TRPM6: variants seen among roughly 807,000 people sequenced by gnomAD.
TRPM6 encodes the protein channel kinase 2.
A neutral mutation model predicts 247.6 loss-of-function variants in TRPM6; 111 were observed. That is an observed-to-expected ratio of 0.45 (90% CI 0.38 to 0.52). The LOEUF is 0.52. Among genes scored for constraint, TRPM6 ranks in the 20% least tolerant of loss-of-function variants. The pLI, the probability that TRPM6 is intolerant of heterozygous loss-of-function variation, is 0.00. For synonymous variants in TRPM6, 892 were observed against 853.8 expected (o/e 1.04, Z -0.78); for missense variants, 2,126 against 2,421.5 (o/e 0.88, Z 2.56).
intron 35 of TRPM6, 49 bp from the exon 36 acceptor site, chr9:74,738,661 G>T (rs771862558): frequency 6.5e-7 from 1 of 1,537,186 alleles, no homozygotes; most frequent in South Asian, 1.1e-5. Flanking sequence ...AGCAAAAGTG[G>T]GACTTACCTT....
chr9:74,859,816 A>G (rs1288312732), intron 1 of TRPM6, among the ~76,000 whole-genome samples: 2 of 152,006 alleles, frequency 1.3e-5, no homozygotes, highest in Non-Finnish European at 1.5e-5. Flanking sequence ...TACTTTATAC[A>G]CACATAGATA....
chr9:74,870,492 T>C (rs1324290563), intron 1 of TRPM6, among the ~76,000 whole-genome samples: 2 of 152,234 alleles, frequency 1.3e-5, no homozygotes, highest in African/African-American at 4.8e-5. Context: ...CACTGTTTTC[T>C]TCTGTAGCCT....
chr9:74,830,391 T>C (rs148956843), intron 6 of TRPM6, among the ~76,000 whole-genome samples: 1 of 152,152 alleles, frequency 6.6e-6, no homozygotes, highest in East Asian at 1.9e-4. Context: ...TTTGTTTGTT[T>C]GTTTGTTTTG....
At chr9:74,803,914 C>T in intron 14 of TRPM6, 28 bp from the exon 15 acceptor site, 4 of 1,275,934 alleles carry the variant, frequency 3.1e-6, no homozygotes, top group Non-Finnish European at 4.6e-6. Flanking sequence ...CAAAGCTGGT[C>T]ACTCTCTGGC....
intron 33 of TRPM6, among the ~76,000 whole-genome samples, 189 bp downstream of exon 33, chr9:74,742,372 C>T (rs561295639): frequency 1.3e-5 from 2 of 152,324 alleles, no homozygotes; most frequent in African/African-American, 2.4e-5. Flanking sequence ...ATAGTATTAG[C>T]TTTTGTCCCT....
chr9:74,738,690 G>T, intron 35 of TRPM6, 78 bp from the exon 36 acceptor site: 1 of 1,267,170 alleles, frequency 7.9e-7, no homozygotes, highest in Non-Finnish European at 1.1e-6. Flanking sequence ...GTCATCAGCA[G>T]GGAAGATTAC....
chr9:74,803,619 T>A (rs1828421731), intron 15 of TRPM6, among the ~76,000 whole-genome samples, 175 bp downstream of exon 15: 1 of 152,212 alleles, frequency 6.6e-6, no homozygotes, highest in Admixed American at 6.5e-5. Context: ...TCACTGTGCC[T>A]TTGCTCACTG....
In TRPM6 at chr9:74,782,452, G is replaced by A. The variant is rs778347438; in HGVS notation, c.3119C>T (p.Pro1040Leu). The change falls in exon 23 of 39, where the codon CCT becomes CTT. Residue 1040 changes from proline (P) to leucine (L), a missense_variant. Around this residue, in one of 3 missense-constraint regions of TRPM6, gnomAD observed 1,082 missense variants for 1,307.9 expected, o/e 0.83. Transcript: ENST00000360774. Reference protein sequence around the residue: ...IDVCSSQPSCPPGSFLTPFLQ... With the variant: ...IDVCSSQPSCLPGSFLTPFLQ... ...GAATGGAGTAAGAAAAGAACCAGGA[G>A]GGCAGGATGGCTGGCTTGAACAAAC... 1.9e-6 allele frequency: 3 copies of A among 1,613,886 alleles called. No homozygotes were observed. Among genetic ancestry groups the A allele is most frequent in the East Asian group, 2.2e-5 (1 of 44,872 alleles).
intron 3 of TRPM6, among the ~76,000 whole-genome samples, chr9:74,850,939 G>C (rs948928848): frequency 1.3e-5 from 2 of 152,108 alleles, no homozygotes; most frequent in African/African-American, 4.8e-5. Flanking sequence ...GACAAATAAT[G>C]ATTCATCTGC....
At chr9:74,851,743 T>C (rs1830319993) in intron 3 of TRPM6, among the ~76,000 whole-genome samples, 1 of 143,128 alleles carries the variant, frequency 7.0e-6, no homozygotes, top group Non-Finnish European at 1.5e-5. Context: ...AGCTAGACTT[T>C]GTCTCAAAAA....
intron 7 of TRPM6, among the ~76,000 whole-genome samples, chr9:74,824,181 C>T (rs1829241958): frequency 6.7e-6 from 1 of 149,782 alleles, no homozygotes; most frequent in Non-Finnish European, 1.5e-5. Context: ...TATGGAGTCT[C>T]ACTTTGTTGC....
chr9:74,842,111 C>G lies in TRPM6; in HGVS notation c.330+55G>C, dbSNP rs562460240. ...GGGCAACAAGAGCAAAACCCCGTCT[C>G]GAAAAAAAAAAAAAAAGAAAGAAAC... On this transcript the variant is annotated intron_variant, in intron 4 of 38. Transcript: ENST00000360774. 4 of 1,413,182 alleles carry G rather than the reference C, an allele frequency of 2.8e-6. No homozygotes were observed. The African/African-American group carries it at 4.4e-5, about 16-fold the overall frequency. The allele number at this position is 1,413,182 out of a possible 1,614,324, so 87.5% of individuals were successfully genotyped here.
intron 5 of TRPM6, among the ~76,000 whole-genome samples, chr9:74,838,866 T>C (rs1300377751): frequency 6.6e-6 from 1 of 151,934 alleles, no homozygotes; most frequent in African/African-American, 2.4e-5. Flanking sequence ...TCCCAGCACT[T>C]TGGGAGGCCA....
intron 33 of TRPM6, 31 bp from the exon 34 acceptor site, chr9:74,740,040 A>G (rs745552806): frequency 3.7e-6 from 6 of 1,610,198 alleles, no homozygotes; most frequent in East Asian, 2.2e-5. Flanking sequence ...TAGGAATTCA[A>G]TAAGATTGCC....
In TRPM6 at chr9:74,742,616, C is replaced by T. The variant is rs1825900972; in HGVS notation, c.5145G>A (p.Arg1715=). ...TCTGAGAAAGCCTCATTAAATTATT[C>T]CTTTCAATGGCTGCAAACAAAAACA... The part of the protein sequence containing the change: ...EPHHHYSAIE[R]NNLMRLSQTI... The change falls in exon 33 of 39, where the codon AGG becomes AGA. Residue 1715 remains arginine (R), a synonymous_variant. Transcript: ENST00000360774. 1 of 1,613,638 alleles carries T rather than the reference C, an allele frequency of 6.2e-7. No homozygotes were observed.
intron 25 of TRPM6, among the ~76,000 whole-genome samples, chr9:74,766,921 A>G (rs1267832687): frequency 6.6e-6 from 1 of 152,020 alleles, no homozygotes; most frequent in Non-Finnish European, 1.5e-5. Flanking sequence ...AAAAAAAAAG[A>G]GAGGTTAGGT....
At chr9:74,852,284 T>C (rs1056889371) in intron 3 of TRPM6, among the ~76,000 whole-genome samples, 3 of 151,928 alleles carry the variant, frequency 2.0e-5, no homozygotes, top group African/African-American at 7.3e-5. Context: ...TGTGAACTCC[T>C]TGGCTCAAGC....
chr9:74,733,861 T>C (rs1463630474), intron 36 of TRPM6, among the ~76,000 whole-genome samples: 4 of 152,252 alleles, frequency 2.6e-5, no homozygotes, highest in Admixed American at 6.5e-5. Flanking sequence ...CCCGGCCACA[T>C]ACTTATACTT....
rs1364443566 is a variant in TRPM6, at chr9:74,755,385, T to G, written c.4874A>C (p.Asn1625Thr). 2 of 1,614,160 alleles carry G rather than the reference T, an allele frequency of 1.2e-6. No individual in the cohort carries two copies. The highest frequency in any genetic ancestry group is 2.2e-5 in the South Asian group (2 of 91,082). ...ACTAAATTTGGACACTGTGAACCAG[T>G]TCTTGCTGTACTCCTCTTCAGAGAT... is the stretch of plus-strand genomic sequence containing the variant. ...NSISEEEYSK[N>T]WFTVSKFSHT... The change falls in exon 28 of 39, where the codon AAC becomes ACC. Residue 1625 changes from asparagine to threonine, a missense_variant. This residue lies in a region of TRPM6 where 717 missense variants were observed against 715.9 expected (regional missense o/e 1.00). Transcript: ENST00000360774.
Sources: gnomAD v4.1 joint callset for allele counts (sites outside exome capture counted in the v4.1 genomes callset) on GRCh38, gnomAD v4.1.1 for gene constraint, gnomAD v4.1.1 regional missense constraint, MANE v1.5 for transcripts, NCBI Gene and HGNC (gene_info 2026-07-23, HGNC 2026-07-21) for gene names.